Variants in FER observed in about 807,000 individuals in gnomAD.
The protein encoded by FER is tyrosine-protein kinase Fer.
FER carries 63 observed loss-of-function variants against 111.0 expected under a neutral mutation model. The observed-to-expected ratio is 0.57, with a 90% confidence interval of 0.46 to 0.70. FER has a LOEUF of 0.70. FER is among the 30% of genes least tolerant of loss of function. The pLI, the probability that FER is intolerant of heterozygous loss-of-function variation, is 0.00. For synonymous variants in FER, 327 were observed against 313.9 expected (o/e 1.04, Z -0.44); for missense variants, 914 against 954.0 (o/e 0.96, Z 0.55).
intron 16 of FER, among the ~76,000 whole-genome samples, chr5:109,053,987 G>A (rs549879895): frequency 2.4e-4 from 37 of 152,068 alleles, no homozygotes; most frequent in East Asian, 3.9e-4. Flanking sequence ...CACTGCGCCC[G>A]GCCTGGAGTT....
At chr5:109,115,097 T>C (rs1284936695) in intron 17 of FER, among the ~76,000 whole-genome samples, 1 of 152,158 alleles carries the variant, frequency 6.6e-6, no homozygotes, top group East Asian at 1.9e-4. Flanking sequence ...TCTTAGGAGA[T>C]ATTATAAAAG....
At chr5:109,078,534 G>GAAAA (rs1345017448) in intron 16 of FER, among the ~76,000 whole-genome samples, 1 of 151,952 alleles carries the variant, frequency 6.6e-6, no homozygotes. Flanking sequence ...TTTTTCTCTT[G>GAAAA]AGTTTACCTC....
intron 8 of FER, among the ~76,000 whole-genome samples, chr5:108,879,114 T>C (rs1765382151): frequency 6.6e-6 from 1 of 152,108 alleles, no homozygotes; most frequent in Non-Finnish European, 1.5e-5. Flanking sequence ...TGTTAAGTAT[T>C]ATGTCATTTT....
Position 109,063,305 on chromosome 5 carries a change from ACAGT to A in FER, c.1924+16112_1924+16115del, listed in dbSNP as rs1372068651. On this transcript the variant is annotated intron_variant, in intron 16 of 19. Transcript: ENST00000281092. ...AATTTTATATTTTTACAGGATTTTAACAGTCAGTTTCAGTTATGTGACTTCACAG... is the reference window on the plus strand; with the variant it reads ...AATTTTATATTTTTACAGGATTTTAACAGTTTCAGTTATGTGACTTCACAG... Among the ~76,000 whole-genome samples, 4 of 152,310 alleles carry A rather than the reference ACAGT, an allele frequency of 2.6e-5. No individual in the cohort carries two copies. In the South Asian group the frequency reaches 8.3e-4, roughly 32 times the overall value.
intron 13 of FER, among the ~76,000 whole-genome samples, chr5:109,011,840 C>A (rs1766311914): frequency 6.6e-6 from 1 of 152,180 alleles, no homozygotes; most frequent in Non-Finnish European, 1.5e-5. Flanking sequence ...ATACAATTTT[C>A]TTTGATTGTG....
chr5:108,823,389 C>T lies in FER; in HGVS notation c.208-9381C>T, dbSNP rs1223193636. On this transcript the variant is annotated intron_variant, in intron 3 of 19. Coordinates refer to ENST00000281092, the MANE Select transcript of FER (RefSeq NM_005246.4). ...TTTACATAATGGGTGTCCTAATTTA[C>T]ATTTCCATCAACAGTGTATAGTGCT... 3.3e-5 allele frequency among the ~76,000 whole-genome samples: 5 copies of T among 152,194 alleles called. No homozygotes were observed. The South Asian group carries it at 1.0e-3, about 32-fold the overall frequency.
chr5:108,778,785 T>A (rs755633979), intron 2 of FER, among the ~76,000 whole-genome samples: 48 of 152,160 alleles, frequency 3.2e-4, no homozygotes, highest in Non-Finnish European at 5.6e-4. Flanking sequence ...CTCTTGACAG[T>A]GTGTTTCAAA....
chr5:108,837,199 C>T (rs1760757430), intron 5 of FER, among the ~76,000 whole-genome samples: 2 of 151,954 alleles, frequency 1.3e-5, no homozygotes, highest in South Asian at 4.2e-4. Context: ...ATTATTATTC[C>T]TTTGTTATTT....
chr5:109,126,636 A>G (rs751186966), intron 17 of FER, among the ~76,000 whole-genome samples: 5 of 152,146 alleles, frequency 3.3e-5, no homozygotes, highest in Admixed American at 6.5e-5. Context: ...CTCAGGTCTG[A>G]TCTCTTTTTT....
intron 3 of FER, among the ~76,000 whole-genome samples, chr5:108,805,168 C>A (rs1757066670): frequency 1.3e-5 from 2 of 151,866 alleles, no homozygotes; most frequent in African/African-American, 4.8e-5. Context: ...CTGGGCTGTT[C>A]TCGTGATAGT....
intron 17 of FER, among the ~76,000 whole-genome samples, chr5:109,115,782 GCTTT>G (rs1561913424): frequency 6.6e-6 from 1 of 151,860 alleles, no homozygotes; most frequent in African/African-American, 2.4e-5. Flanking sequence ...GTAGTTAGAT[GCTTT>G]CTGTTTATAA....
chr5:108,960,650 C>T (rs1759025374), intron 13 of FER, among the ~76,000 whole-genome samples: 4 of 151,996 alleles, frequency 2.6e-5, no homozygotes, highest in Admixed American at 6.6e-5. Context: ...GCAATCTATT[C>T]TCATGGCTTT....
intron 9 of FER, among the ~76,000 whole-genome samples, chr5:108,884,457 T>C (rs1581043702): frequency 6.6e-6 from 1 of 151,908 alleles, no homozygotes; most frequent in East Asian, 1.9e-4. Flanking sequence ...CTCAACATCT[T>C]TCCTTACTTC....
intron 10 of FER, among the ~76,000 whole-genome samples, chr5:108,926,391 TAC>T (rs1397562130): frequency 6.6e-6 from 1 of 152,106 alleles, no homozygotes; most frequent in African/African-American, 2.4e-5. Context: ...TAGAAAAGAT[TAC>T]AGTTTTATTA....
intron 17 of FER, among the ~76,000 whole-genome samples, chr5:109,167,400 CA>C (rs1462784694): frequency 6.6e-6 from 1 of 152,122 alleles, no homozygotes; most frequent in South Asian, 2.1e-4. Flanking sequence ...CTAGAACATA[CA>C]AATTCATCTG....
At chr5:108,806,004 A>T (rs1757166103) in intron 3 of FER, among the ~76,000 whole-genome samples, 1 of 152,180 alleles carries the variant, frequency 6.6e-6, no homozygotes, top group African/African-American at 2.4e-5. Context: ...GGTCTTCATG[A>T]CAGCCCCTCC....
chr5:108,918,139 A>T (rs1270904785), intron 10 of FER, among the ~76,000 whole-genome samples: 2 of 152,160 alleles, frequency 1.3e-5, no homozygotes, highest in Non-Finnish European at 2.9e-5. Flanking sequence ...CAAAGGCCAA[A>T]ATGAAAAGGG....
chr5:108,902,901 A>ATATTTATTTATTTATT (rs140692614), intron 10 of FER, among the ~76,000 whole-genome samples: 1 of 150,950 alleles, frequency 6.6e-6, no homozygotes, highest in Non-Finnish European at 1.5e-5. Flanking sequence ...CTTTCTTATT[A>ATATTTATTTATTTATT]TATTTATTTA....
chr5:108,983,441 G>C (rs1011163384), intron 13 of FER, among the ~76,000 whole-genome samples: 1 of 152,006 alleles, frequency 6.6e-6, no homozygotes, highest in Non-Finnish European at 1.5e-5. Context: ...TTTTAAAATT[G>C]AGTAGATTTT....
Sources: allele counts gnomAD v4.1 joint callset (sites outside exome capture counted in the v4.1 genomes callset), GRCh38; gene constraint gnomAD v4.1.1; transcripts MANE v1.5; gene names NCBI Gene and HGNC (gene_info 2026-07-23, HGNC 2026-07-21).